The following PTPRK variants were observed in gnomAD, a reference collection of about 807,000 sequenced individuals.
PTPRK encodes the protein protein tyrosine phosphatase receptor type K.
A neutral mutation model predicts 178.0 loss-of-function variants in PTPRK; 75 were observed. The observed-to-expected ratio is 0.42, with a 90% CI of 0.35 to 0.51. PTPRK has a LOEUF of 0.51. Among genes scored for constraint, PTPRK ranks in the 20% least tolerant of loss-of-function variants. The pLI, the probability that PTPRK is intolerant of heterozygous loss-of-function variation, is 0.02. For synonymous variants in PTPRK, 637 were observed against 620.6 expected (o/e 1.03, Z -0.39); for missense variants, 1,441 against 1,797.8 (o/e 0.80, Z 3.59).
intron 1 of PTPRK, among the ~76,000 whole-genome samples, chr6:128,416,799 G>A (rs1300462764): frequency 1.3e-5 from 2 of 151,812 alleles, no homozygotes; most frequent in East Asian, 3.9e-4. Context: ...AGGATAGATT[G>A]CAGAAGGCCA....
At chr6:128,484,574 C>T (rs774022963) in intron 1 of PTPRK, among the ~76,000 whole-genome samples, 1 of 152,112 alleles carries the variant, frequency 6.6e-6, no homozygotes, top group Non-Finnish European at 1.5e-5. Flanking sequence ...ATATATTTGT[C>T]CCCATGGTTA....
At position 128,515,031 on chromosome 6, in the gene PTPRK, A is replaced by G. The variant is rs191539213; in HGVS notation, c.100+5228T>C. Among the ~76,000 whole-genome samples the G allele has an allele frequency of 4.7e-3, 715 of 152,364 alleles. 5 individuals are homozygous for G. Among genetic ancestry groups the G allele is most frequent in the Middle Eastern group, 0.02 (6 of 294 alleles). ...GAGTATTTTCACAAAACACATTTGC[A>G]CTAATGTGGAGTGTGAAGTTTACAA... On this transcript the variant is annotated intron_variant, in intron 1 of 29. Transcript: ENST00000368226.
At chr6:128,345,845 T>C (rs746676044) in intron 2 of PTPRK, among the ~76,000 whole-genome samples, 4 of 152,174 alleles carry the variant, frequency 2.6e-5, no homozygotes, top group Non-Finnish European at 5.9e-5. Flanking sequence ...AGATAATGAA[T>C]CTAAATGTAT....
intron 5 of PTPRK, among the ~76,000 whole-genome samples, chr6:128,228,615 G>A (rs1437806972): frequency 6.1e-5 from 9 of 148,424 alleles, no homozygotes; most frequent in South Asian, 2.1e-4. Flanking sequence ...AGCGGAGATC[G>A]CGCCACTACA....
chr6:128,299,321 A>G (rs1825112707), intron 3 of PTPRK, among the ~76,000 whole-genome samples: 1 of 628 alleles, frequency 1.6e-3, no homozygotes, highest in African/African-American at 0.012. Flanking sequence ...ATTCAATGCC[A>G]TCCCCCATCA....
chr6:128,229,062 T>C (rs993295328), intron 5 of PTPRK, among the ~76,000 whole-genome samples: 1 of 152,128 alleles, frequency 6.6e-6, no homozygotes, highest in Non-Finnish European at 1.5e-5. Flanking sequence ...CCTAAGGAAT[T>C]TGAAATGCAA....
intron 2 of PTPRK, among the ~76,000 whole-genome samples, chr6:128,361,414 G>T (rs1834724083): frequency 6.6e-6 from 1 of 152,094 alleles, no homozygotes; most frequent in Non-Finnish European, 1.5e-5. Flanking sequence ...GAGCACACTG[G>T]ATGATCCTTT....
intron 13 of PTPRK, among the ~76,000 whole-genome samples, chr6:128,050,692 T>C (rs1255475655): frequency 6.6e-6 from 1 of 152,228 alleles, no homozygotes; most frequent in Non-Finnish European, 1.5e-5. Flanking sequence ...ACTATTACAC[T>C]AAGCATTTTT....
chr6:128,387,000 G>A lies in PTPRK; in HGVS notation c.223+10566C>T, dbSNP rs185625061. On this transcript the variant is annotated intron_variant, in intron 2 of 29. Transcript: ENST00000368226. The stretch of plus-strand genomic sequence containing the variant: ...GGAGAATCGGTTGAACCCAGGAGGC[G>A]AAGGTTGCAGTGAGCCGAGATCGCA... 2.8e-3 allele frequency among the ~76,000 whole-genome samples: 423 copies of A among 152,210 alleles called. 1 individual carries two copies. The highest frequency in any genetic ancestry group is 0.01 in the Middle Eastern group (3 of 294).
At chr6:128,031,731 C>A (rs866297096) in intron 13 of PTPRK, among the ~76,000 whole-genome samples, 4 of 152,154 alleles carry the variant, frequency 2.6e-5, no homozygotes, top group African/African-American at 7.2e-5. Context: ...CTTTATTTAT[C>A]CTCCCTTCTT....
At chr6:127,982,592 A>G (rs989142794) in intron 24 of PTPRK, among the ~76,000 whole-genome samples, 2 of 152,094 alleles carry the variant, frequency 1.3e-5, no homozygotes, top group East Asian at 1.9e-4. Flanking sequence ...GACTTTTATG[A>G]TACCTTTCCC....
chr6:128,187,090 C>T (rs1411902835), intron 6 of PTPRK, among the ~76,000 whole-genome samples: 1 of 152,008 alleles, frequency 6.6e-6, no homozygotes, highest in Non-Finnish European at 1.5e-5. Flanking sequence ...CTTGGTTAAT[C>T]ATAAATTTAT....
Position 127,982,823 on chromosome 6 carries a change from G to C in PTPRK, c.3537+8C>G, listed in dbSNP as rs1391749980. The C allele has an allele frequency of 1.9e-6, 3 of 1,602,060 alleles. No homozygotes were observed. Among genetic ancestry groups the C allele is most frequent in the South Asian group, 1.1e-5 (1 of 89,600 alleles). On this transcript the variant is annotated splice_region_variant and intron_variant, in intron 24 of 29. Transcript: ENST00000368226. ...AGTCACAAAAGAGGTTTTAGAAATA[G>C]TTAATACCTGAAATTCATCCTTGAG...
chr6:128,160,326 T>C (rs1798530022), intron 7 of PTPRK, among the ~76,000 whole-genome samples: 1 of 151,754 alleles, frequency 6.6e-6, no homozygotes. Context: ...ATTTGTGGTA[T>C]TAAAAATTTC....
intron 1 of PTPRK, among the ~76,000 whole-genome samples, chr6:128,453,236 AG>A (rs1415672388): frequency 6.6e-6 from 1 of 152,330 alleles, no homozygotes; most frequent in South Asian, 2.1e-4. Context: ...ACAAATCTAC[AG>A]GGGGAATGGG....
intron 1 of PTPRK, among the ~76,000 whole-genome samples, chr6:128,408,077 C>T (rs1584570219): frequency 6.6e-6 from 1 of 152,252 alleles, no homozygotes; most frequent in East Asian, 1.9e-4. Context: ...GACATCCTGG[C>T]AAGTAATTAT....
chr6:128,008,075 C>A, intron 14 of PTPRK: 1 of 1,348,226 alleles, frequency 7.4e-7, no homozygotes, highest in Non-Finnish European at 9.9e-7. Flanking sequence ...TGTGTCTTCT[C>A]CAACATATAT....
intron 1 of PTPRK, among the ~76,000 whole-genome samples, chr6:128,497,966 T>C (rs532283805): frequency 5.9e-5 from 9 of 152,296 alleles, no homozygotes; most frequent in African/African-American, 1.7e-4. Flanking sequence ...TTGACTAATA[T>C]GCATCCTTAA....
In PTPRK at chr6:128,131,908, A is replaced by C. The variant is rs1794303502; in HGVS notation, c.1163-41916T>G. The stretch of plus-strand genomic sequence containing the variant: ...ATTGTTCTTGGCTCTGATCTCTTTA[A>C]GAAAAATATCATACTGGTTAATAGT... On this transcript the variant is annotated intron_variant, in intron 7 of 29. Transcript: ENST00000368226. Among the ~76,000 whole-genome samples the C allele has an allele frequency of 2.0e-5, 3 of 152,186 alleles. No individual in the cohort carries two copies. The South Asian group carries it at 6.2e-4, about 32-fold the overall frequency.
Sources: allele counts gnomAD v4.1 joint callset (sites outside exome capture counted in the v4.1 genomes callset), GRCh38; gene constraint gnomAD v4.1.1; transcripts MANE v1.5; gene names NCBI Gene and HGNC (gene_info 2026-07-23, HGNC 2026-07-21).